The following QTMAN variants were observed in gnomAD, a reference collection of about 807,000 sequenced individuals.
The protein encoded by QTMAN is queuosine-tRNA mannosyltransferase.
chr2:143,977,677 C>T, the QTMAN span, among the ~76,000 whole-genome samples: 1 of 152,100 alleles, frequency 6.6e-6, no homozygotes, highest in Non-Finnish European at 1.5e-5. Flanking sequence ...GAATGGGGAC[C>T]AGGAAAATGG....
chr2:144,085,770 T>C, the QTMAN span, among the ~76,000 whole-genome samples: 105 of 152,298 alleles, frequency 6.9e-4, no homozygotes, highest in Non-Finnish European at 1.2e-3. Context: ...GACACACTTA[T>C]AAATTTTGTA....
chr2:144,129,135 T>C, the QTMAN span, among the ~76,000 whole-genome samples: 1 of 151,914 alleles, frequency 6.6e-6, no homozygotes, highest in Non-Finnish European at 1.5e-5. Flanking sequence ...AAATGAAATA[T>C]AGTAGCTTTG....
chr2:144,203,392 A>G, the QTMAN span, among the ~76,000 whole-genome samples: 1 of 152,160 alleles, frequency 6.6e-6, no homozygotes, highest in African/African-American at 2.4e-5. Flanking sequence ...CAATCAGAAG[A>G]AACTCCAGTG....
the QTMAN span, among the ~76,000 whole-genome samples, chr2:144,328,907 G>A: frequency 6.6e-6 from 1 of 152,146 alleles, no homozygotes; most frequent in African/African-American, 2.4e-5. Context: ...TTCAAAGAAT[G>A]GAGTGTTGGT....
chr2:144,025,023 T>C, the QTMAN span, among the ~76,000 whole-genome samples: 422 of 152,286 alleles, frequency 2.8e-3, 3 homozygotes, highest in African/African-American at 9.7e-3. Flanking sequence ...GAATGGGACT[T>C]TTCCTATCAT....
chr2:144,267,521 T>C, the QTMAN span, among the ~76,000 whole-genome samples: 1 of 152,124 alleles, frequency 6.6e-6, no homozygotes, highest in Admixed American at 6.6e-5. Flanking sequence ...AAAAGCCAGA[T>C]TGCAAGGAGT....
At chr2:144,019,089 C>G in the QTMAN span, among the ~76,000 whole-genome samples, 3 of 152,002 alleles carry the variant, frequency 2.0e-5, no homozygotes, top group East Asian at 5.8e-4. Flanking sequence ...AGGGGAGGGA[C>G]AAAAGATGAG....
the QTMAN span, among the ~76,000 whole-genome samples, chr2:144,075,305 G>A: frequency 2.0e-4 from 31 of 152,268 alleles, no homozygotes; most frequent in Admixed American, 4.6e-4. Flanking sequence ...GTCGTAACAC[G>A]CACTCACATG....
At chr2:144,019,434 A>AGG in the QTMAN span, among the ~76,000 whole-genome samples, 424 of 51,610 alleles carry the variant, frequency 8.2e-3, 1 homozygote, top group Middle Eastern at 0.031. Context: ...ATAAGCATGC[A>AGG]GGTGTGTGTG....
the QTMAN span, among the ~76,000 whole-genome samples, chr2:144,048,030 A>G: frequency 5.9e-5 from 9 of 152,358 alleles, no homozygotes; most frequent in African/African-American, 2.2e-4. Context: ...ATAGAATGCT[A>G]TTTCTCACAT....
the QTMAN span, among the ~76,000 whole-genome samples, chr2:144,188,743 AAAT>A: frequency 1.4e-5 from 2 of 140,554 alleles, no homozygotes; most frequent in African/African-American, 2.6e-5. Flanking sequence ...TAAATCCCTC[AAAT>A]AATGAGAAAA....
At chr2:143,990,218 A>G in the QTMAN span, among the ~76,000 whole-genome samples, 1 of 152,186 alleles carries the variant, frequency 6.6e-6, no homozygotes. Context: ...GTTTTTTAAA[A>G]AAGGATGCAA....
At chr2:144,123,703 A>G in the QTMAN span, among the ~76,000 whole-genome samples, 1 of 152,128 alleles carries the variant, frequency 6.6e-6, no homozygotes, top group African/African-American at 2.4e-5. Flanking sequence ...GTAAGAACAC[A>G]GCACTATAGA....
chr2:144,101,394 TCACA>T, the QTMAN span, among the ~76,000 whole-genome samples: 18 of 150,228 alleles, frequency 1.2e-4, no homozygotes, highest in African/African-American at 2.7e-4. Flanking sequence ...TATCTCTCTC[TCACA>T]CACACACACA....
At chr2:144,061,846 A>G in the QTMAN span, among the ~76,000 whole-genome samples, 1 of 152,056 alleles carries the variant, frequency 6.6e-6, no homozygotes, top group Admixed American at 6.6e-5. Context: ...GCAGAGAAGG[A>G]GGGAAGAGAG....
chr2:144,329,073 G>A, the QTMAN span, among the ~76,000 whole-genome samples: 1 of 151,880 alleles, frequency 6.6e-6, no homozygotes, highest in African/African-American at 2.4e-5. Context: ...AACCCCATCA[G>A]TACTAAAAAC....
the QTMAN span, among the ~76,000 whole-genome samples, chr2:144,124,342 A>G: frequency 3.0e-3 from 452 of 152,280 alleles, 19 homozygotes; most frequent in East Asian, 0.078. Context: ...AAATTACTTA[A>G]CTTTATCTTC....
the QTMAN span, among the ~76,000 whole-genome samples, chr2:144,174,227 T>G: frequency 6.6e-6 from 1 of 152,142 alleles, no homozygotes; most frequent in Non-Finnish European, 1.5e-5. Flanking sequence ...TATTCTGTCC[T>G]TTATGTACCC....
the QTMAN span, among the ~76,000 whole-genome samples, chr2:143,990,879 G>A: frequency 6.6e-6 from 1 of 152,122 alleles, no homozygotes; most frequent in Admixed American, 6.6e-5. Flanking sequence ...AAAGAAATAA[G>A]AGACTAAATA....
Sources: allele counts gnomAD v4.1 joint callset (sites outside exome capture counted in the v4.1 genomes callset), GRCh38; gene constraint gnomAD v4.1.1; transcripts MANE v1.5; gene names NCBI Gene and HGNC (gene_info 2026-07-23, HGNC 2026-07-21).